The following TTC28 variants were observed in gnomAD, a reference collection of about 807,000 sequenced individuals.
TTC28 encodes tetratricopeptide repeat protein 28.
In TTC28, 61 loss-of-function variants were observed where a neutral mutation model predicts 198.0. The observed-to-expected ratio is 0.31, with a 90% CI of 0.25 to 0.38. TTC28 has a LOEUF of 0.38. TTC28 is among the 10% of genes least tolerant of loss of function. TTC28 has a pLI of 1.00. For synonymous variants in TTC28, 1,171 were observed against 1,297.8 expected, an observed-to-expected ratio of 0.90 and a Z score of 2.10; for missense variants, 2,678 against 3,164.0, an observed-to-expected ratio of 0.85 and a Z score of 3.69.
chr22:28,645,325 C>G (rs151174589), intron 1 of TTC28, among the ~76,000 whole-genome samples: 2 of 151,646 alleles, frequency 1.3e-5, no homozygotes, highest in Non-Finnish European at 2.9e-5. Context: ...CCAAATCCAA[C>G]AGTACATCAA....
chr22:28,172,990 T>C (rs987146129), intron 5 of TTC28, among the ~76,000 whole-genome samples: 1 of 152,216 alleles, frequency 6.6e-6, no homozygotes, highest in Non-Finnish European at 1.5e-5. Context: ...CAGTAAACTA[T>C]AGAGTGCTCT....
chr22:28,001,581 A>G (rs1259994147), intron 14 of TTC28, 28 bp from the exon 15 acceptor site: 10 of 1,539,448 alleles, frequency 6.5e-6, no homozygotes, highest in African/African-American at 1.4e-5. Context: ...AGAGGCTGAC[A>G]TGGGTGGCCC....
At chr22:28,535,677 C>T (rs1182694279) in intron 2 of TTC28, among the ~76,000 whole-genome samples, 4 of 152,038 alleles carry the variant, frequency 2.6e-5, no homozygotes, top group Admixed American at 1.3e-4. Flanking sequence ...GACTGAACCA[C>T]GGGGATGGAC....
At chr22:28,331,472 T>G (rs781558963) in intron 2 of TTC28, among the ~76,000 whole-genome samples, 5 of 152,082 alleles carry the variant, frequency 3.3e-5, no homozygotes, top group Non-Finnish European at 5.9e-5. Flanking sequence ...CAATGATTAC[T>G]GAATAAATAA....
At chr22:28,630,149 T>C (rs1405013811) in intron 1 of TTC28, among the ~76,000 whole-genome samples, 1 of 152,134 alleles carries the variant, frequency 6.6e-6, no homozygotes, top group Non-Finnish European at 1.5e-5. Flanking sequence ...CAGCTCCCCT[T>C]TGCCTTCTGC....
intron 2 of TTC28, among the ~76,000 whole-genome samples, chr22:28,371,696 C>G (rs1286953664): frequency 1.5e-5 from 2 of 137,082 alleles, no homozygotes; most frequent in Admixed American, 7.6e-5. Context: ...GATTCTCTGC[C>G]TCAGCCTCCC....
At chr22:28,271,991 G>T (rs950126353) in intron 5 of TTC28, among the ~76,000 whole-genome samples, 6 of 152,028 alleles carry the variant, frequency 3.9e-5, no homozygotes, top group Non-Finnish European at 8.8e-5. Context: ...TTTGCCTTCC[G>T]CCATGATTGT....
intron 13 of TTC28, among the ~76,000 whole-genome samples, chr22:28,015,804 G>A (rs905445255): frequency 2.0e-5 from 3 of 151,834 alleles, no homozygotes; most frequent in African/African-American, 7.3e-5. Flanking sequence ...ACTCTTAAGG[G>A]CAAAGACCAT....
At chr22:28,371,432 C>G (rs1299856543) in intron 2 of TTC28, among the ~76,000 whole-genome samples, 1 of 126,416 alleles carries the variant, frequency 7.9e-6, no homozygotes, top group Non-Finnish European at 1.6e-5. Flanking sequence ...ATCACTTGAG[C>G]CAGGGAGGCA....
At chr22:28,540,595 G>C (rs192963342) in intron 2 of TTC28, among the ~76,000 whole-genome samples, 5 of 152,196 alleles carry the variant, frequency 3.3e-5, no homozygotes, top group Non-Finnish European at 7.4e-5. Context: ...CTTTAATACT[G>C]TTTTCATCCT....
chr22:28,175,527 T>C (rs1923081040), intron 5 of TTC28, among the ~76,000 whole-genome samples: 1 of 151,442 alleles, frequency 6.6e-6, no homozygotes, highest in Non-Finnish European at 1.5e-5. Flanking sequence ...AGGTCAGGAG[T>C]TCGAGACCAG....
intron 2 of TTC28, among the ~76,000 whole-genome samples, chr22:28,598,534 A>AG (rs2050580990): frequency 6.7e-6 from 1 of 149,976 alleles, no homozygotes; most frequent in Non-Finnish European, 1.5e-5. Context: ...AAAAAAAAAA[A>AG]GTGATAAGCA....
chr22:28,567,366 G>C (rs1239471489), intron 2 of TTC28, among the ~76,000 whole-genome samples: 19 of 147,760 alleles, frequency 1.3e-4, no homozygotes, highest in Admixed American at 6.1e-4. Context: ...TCTAGCCTGA[G>C]TGACACAGCA....
intron 6 of TTC28, among the ~76,000 whole-genome samples, chr22:28,130,342 G>A (rs1482414600): frequency 6.6e-6 from 1 of 152,048 alleles, no homozygotes; most frequent in Non-Finnish European, 1.5e-5. Context: ...CAGTCTCTCG[G>A]GAGCTTGAGG....
chr22:28,383,643 A>G (rs559486604), intron 2 of TTC28, among the ~76,000 whole-genome samples: 1 of 152,304 alleles, frequency 6.6e-6, no homozygotes, highest in African/African-American at 2.4e-5. Flanking sequence ...CATATCCCAC[A>G]TTCAATACTT....
intron 6 of TTC28, among the ~76,000 whole-genome samples, chr22:28,148,304 C>T (rs1017994673): frequency 2.6e-5 from 4 of 152,134 alleles, no homozygotes; most frequent in East Asian, 3.9e-4. Flanking sequence ...TTCTGGTTCA[C>T]GTAAAAGGCT....
intron 2 of TTC28, among the ~76,000 whole-genome samples, chr22:28,439,412 G>A (rs1044641624): frequency 1.3e-4 from 20 of 152,308 alleles, no homozygotes; most frequent in African/African-American, 4.6e-4. Context: ...GCAAAGCTCT[G>A]GCTAACATTC....
chr22:28,196,986 G>A (rs1925414985), intron 5 of TTC28, among the ~76,000 whole-genome samples: 1 of 151,982 alleles, frequency 6.6e-6, no homozygotes, highest in Non-Finnish European at 1.5e-5. Flanking sequence ...GTTTATTGTG[G>A]CACTATTCAC....
Position 27,990,002 on chromosome 22 carries a change from G to A in TTC28, c.5583C>T (p.His1861=), listed in dbSNP as rs1937342103. Residue 1861 remains histidine, a synonymous_variant, in exon 21 of 23, where the codon CAC becomes CAT. Coordinates refer to ENST00000397906, the MANE Select transcript of TTC28 (RefSeq NM_001145418.2). ...CAGCCTGGAGCTGAACCAGCACCTGGTGGAGCTGAGGAAGGGGGGACAGCG... is the reference window on the plus strand; with the variant it reads ...CAGCCTGGAGCTGAACCAGCACCTGATGGAGCTGAGGAAGGGGGGACAGCG... ...RAVKNMVGML[H]QVLVQLQAGE... is the part of the protein sequence containing the mutation. 2 of 1,550,562 alleles carry A rather than the reference G, an allele frequency of 1.3e-6. No individual in the cohort carries two copies. The highest frequency in any genetic ancestry group is 1.7e-6 in the Non-Finnish European group (2 of 1,146,504).
Sources: allele counts gnomAD v4.1 joint callset (sites outside exome capture counted in the v4.1 genomes callset), GRCh38; gene constraint gnomAD v4.1.1; transcripts MANE v1.5; gene names NCBI Gene and HGNC (gene_info 2026-07-23, HGNC 2026-07-21).